The following AOPEP variants were observed in gnomAD, a reference collection of about 807,000 sequenced individuals.
The protein encoded by AOPEP is aminopeptidase O (putative), also known as aminopeptidase O.
Under a neutral mutation model 98.1 loss-of-function variants are expected in AOPEP, and 77 were observed. The observed-to-expected ratio is 0.78, with a 90% CI of 0.65 to 0.95. The LOEUF (loss-of-function observed/expected upper bound fraction) is 0.95. Ranked by LOEUF, AOPEP falls within the 40% of genes least tolerant of loss-of-function variation. The pLI is 0.00. For missense variants in AOPEP, 1,024 were observed against 1,024.7 expected, an observed-to-expected ratio of 1.00 and a Z score of 0.01; for synonymous variants, 346 against 365.3, an observed-to-expected ratio of 0.95 and a Z score of 0.60.
the AOPEP span, among the ~76,000 whole-genome samples, chr9:95,115,230 C>T: frequency 1.3e-5 from 2 of 152,236 alleles, no homozygotes; most frequent in Non-Finnish European, 2.9e-5. Context: ...GCATTAATCA[C>T]CACGCTTGCC....
intron 9 of AOPEP, among the ~76,000 whole-genome samples, chr9:94,963,713 T>A (rs1300033286): frequency 2.0e-5 from 3 of 152,198 alleles, no homozygotes; most frequent in Non-Finnish European, 2.9e-5. Context: ...CAAATTTTTC[T>A]AGAATCAGCT....
chr9:94,857,962 G>A (rs1237808954), intron 5 of AOPEP, among the ~76,000 whole-genome samples: 1 of 151,748 alleles, frequency 6.6e-6, no homozygotes, highest in Non-Finnish European at 1.5e-5. Flanking sequence ...TGCGTACACT[G>A]GCGTACCCTG....
intron 13 of AOPEP, among the ~76,000 whole-genome samples, chr9:95,043,229 T>G (rs1564564198): frequency 6.7e-6 from 1 of 149,802 alleles, no homozygotes; most frequent in African/African-American, 2.5e-5. Context: ...TATATGTGCA[T>G]ATATATACAG....
intron 7 of AOPEP, among the ~76,000 whole-genome samples, chr9:94,947,240 C>G (rs952999085): frequency 6.6e-6 from 1 of 151,926 alleles, no homozygotes; most frequent in Admixed American, 6.6e-5. Context: ...CTCGGCCTCC[C>G]AAAGTGCTGG....
In AOPEP at chr9:94,759,848, T is replaced by C; in HGVS notation, c.65T>C (p.Leu22Pro). 1 of 1,614,142 alleles carries C rather than the reference T, an allele frequency of 6.2e-7. No individual in the cohort carries two copies. Among genetic ancestry groups the C allele is most frequent in the Non-Finnish European group, 8.5e-7 (1 of 1,180,014 alleles). Residue 22 changes from leucine (L) to proline (P), a missense_variant, in exon 2 of 17, where the codon CTT becomes CCT. Physicochemically the swap from Leu to Pro is moderately conservative, Grantham distance 98. Coordinates refer to ENST00000375315, the MANE Select transcript of AOPEP (RefSeq NM_001193329.3). ...LPLMANTSHILVKHYVLDLDV... is the reference protein window; with the variant it reads ...LPLMANTSHIPVKHYVLDLDV... ...CTCATGGCCAACACCAGCCACATAC[T>C]TGTGAAGCACTATGTACTGGATTTG...
At chr9:94,879,686 C>T (rs72748529) in intron 5 of AOPEP, among the ~76,000 whole-genome samples, 3,264 of 152,224 alleles carry the variant, frequency 0.021, 87 homozygotes, top group African/African-American at 0.057. Context: ...TCAGCAAGGG[C>T]GATAACTGAA....
In AOPEP at chr9:94,766,641, T is replaced by C. The variant is rs566475241; in HGVS notation, c.797+6061T>C. Among the ~76,000 whole-genome samples the C allele has an allele frequency of 7.1e-4, 108 of 152,356 alleles. 1 individual carries two copies. The highest frequency in any genetic ancestry group is 1.2e-3 in the Admixed American group (18 of 15,296). ...AAGCAGTCAAGTGGTTTAGGAGGTCTGAGCTTAAGCTGATGACATCACTGA... is the reference window on the plus strand; with the variant it reads ...AAGCAGTCAAGTGGTTTAGGAGGTCCGAGCTTAAGCTGATGACATCACTGA... On this transcript the variant is annotated intron_variant, in intron 2 of 16. Coordinates refer to ENST00000375315, the MANE Select transcript of AOPEP (RefSeq NM_001193329.3).
chr9:95,106,623 T>G, the AOPEP span, among the ~76,000 whole-genome samples: 1 of 152,224 alleles, frequency 6.6e-6, no homozygotes, highest in Non-Finnish European at 1.5e-5. Context: ...AAGGATTTCT[T>G]TGTAATAAAC....
chr9:94,919,856 C>A (rs374051974), intron 5 of AOPEP, among the ~76,000 whole-genome samples: 1 of 152,286 alleles, frequency 6.6e-6, no homozygotes, highest in African/African-American at 2.4e-5. Context: ...CTGGTTCCCC[C>A]CTCTCTCGGG....
At chr9:94,958,138 A>C (rs2058594202) in intron 9 of AOPEP, among the ~76,000 whole-genome samples, 1 of 152,152 alleles carries the variant, frequency 6.6e-6, no homozygotes, top group Non-Finnish European at 1.5e-5. Flanking sequence ...GTGGAACCAC[A>C]CAGTATTTGT....
chr9:95,082,589 C>T lies in AOPEP; in HGVS notation c.2334C>T (p.Tyr778=). The T allele has an allele frequency of 1.9e-6, 3 of 1,614,146 alleles. No individual in the cohort carries two copies. The highest frequency in any genetic ancestry group is 2.5e-6 in the Non-Finnish European group (3 of 1,180,034). ...GTGCCCTGCAGGCCATGGGTGTGTA[C>T]CTCTACGGGGAGCTGATGGTGAGTG... ...FLQEDQAMGV[Y]LYGELMVSED... The change falls in exon 16 of 17, where the codon TAC becomes TAT. Residue 778 remains tyrosine (Y), a synonymous_variant. Coordinates refer to ENST00000375315, the MANE Select transcript of AOPEP (RefSeq NM_001193329.3).
chr9:94,938,165 G>A (rs1252062373), intron 7 of AOPEP, among the ~76,000 whole-genome samples: 2 of 152,158 alleles, frequency 1.3e-5, no homozygotes, highest in Admixed American at 6.5e-5. Context: ...GAGCGACCGC[G>A]CCCGGCCAAA....
chr9:94,973,455 C>T (rs1251289408), intron 10 of AOPEP, among the ~76,000 whole-genome samples: 1 of 152,248 alleles, frequency 6.6e-6, no homozygotes, highest in Non-Finnish European at 1.5e-5. Flanking sequence ...TCTGGCTTTA[C>T]ACACAGCTTG....
chr9:94,888,355 T>C (rs2048479322), intron 5 of AOPEP, among the ~76,000 whole-genome samples: 2 of 148,352 alleles, frequency 1.3e-5, no homozygotes, highest in South Asian at 2.2e-4. Flanking sequence ...GAAATAATTA[T>C]AGAGTCACAG....
intron 5 of AOPEP, among the ~76,000 whole-genome samples, chr9:94,835,123 G>A (rs1255262384): frequency 1.3e-5 from 2 of 152,284 alleles, no homozygotes; most frequent in African/African-American, 2.4e-5. Context: ...TTCATAGGGG[G>A]AAAGGACAGT....
chr9:94,855,070 T>C (rs922507819), intron 5 of AOPEP, among the ~76,000 whole-genome samples: 4 of 148,688 alleles, frequency 2.7e-5, no homozygotes, highest in African/African-American at 7.8e-5. Flanking sequence ...AGAATTAGCA[T>C]ATTTTATTTT....
intron 5 of AOPEP, among the ~76,000 whole-genome samples, chr9:94,809,158 A>G (rs1849922808): frequency 6.6e-6 from 1 of 152,242 alleles, no homozygotes; most frequent in Non-Finnish European, 1.5e-5. Context: ...GTTGGTTTCA[A>G]GGAAGACTAG....
intron 13 of AOPEP, among the ~76,000 whole-genome samples, chr9:95,025,056 T>C (rs2063737248): frequency 6.6e-6 from 1 of 152,202 alleles, no homozygotes; most frequent in Non-Finnish European, 1.5e-5. Flanking sequence ...ATCAAATCAT[T>C]ATATTTGGGA....
the AOPEP span, among the ~76,000 whole-genome samples, chr9:95,133,724 A>G: frequency 6.6e-6 from 1 of 152,240 alleles, no homozygotes; most frequent in Non-Finnish European, 1.5e-5. Context: ...CCTGGAAGCA[A>G]GCATATAGCC....
Sources: gnomAD v4.1 joint callset for allele counts (sites outside exome capture counted in the v4.1 genomes callset) on GRCh38, gnomAD v4.1.1 for gene constraint, MANE v1.5 for transcripts, NCBI Gene and HGNC (gene_info 2026-07-23, HGNC 2026-07-21) for gene names.